Variants in MAP3K13 observed in about 807,000 individuals in gnomAD.
MAP3K13 encodes the protein leucine zipper-bearing kinase.
In MAP3K13, 52 loss-of-function variants were observed where a neutral mutation model predicts 104.0. The observed-to-expected ratio is 0.50, with a 90% CI of 0.40 to 0.63. The LOEUF is 0.63. Ranked by LOEUF, MAP3K13 falls within the 20% of genes least tolerant of loss-of-function variation. The probability of loss-of-function intolerance (pLI) is 0.00; values close to 1 mark genes in which losing one functional copy is unlikely to be tolerated. For missense variants in MAP3K13, 914 were observed against 1,218.5 expected (o/e 0.75, Z 3.72); for synonymous variants, 394 against 442.2 (o/e 0.89, Z 1.37).
At position 185,443,643 on chromosome 3, in the gene MAP3K13, T is replaced by A; in HGVS notation, c.851+7T>A. The A allele has an allele frequency of 6.2e-7, 1 of 1,608,240 alleles. No homozygotes were observed. The highest frequency in any genetic ancestry group is 8.5e-7 in the Non-Finnish European group (1 of 1,175,452). On this transcript the variant is annotated splice_region_variant and intron_variant, in intron 4 of 13. Transcript: ENST00000265026. ...GTGATCTCAAATCACCTAAGTGAGT[T>A]CTGGGGCTAATGTTTCAGCTATTTT...
chr3:185,344,367 C>G (rs1722836672), intron 2 of MAP3K13, among the ~76,000 whole-genome samples: 1 of 152,170 alleles, frequency 6.6e-6, no homozygotes. Context: ...TAAGAAGAGA[C>G]TTGATGATCT....
intron 2 of MAP3K13, among the ~76,000 whole-genome samples, chr3:185,348,813 A>AG (rs905906344): frequency 6.6e-6 from 1 of 152,158 alleles, no homozygotes; most frequent in African/African-American, 2.4e-5. Context: ...GCTACTCAGG[A>AG]GGCTGAGGCA....
chr3:185,453,109 A>AT (rs888015635), intron 7 of MAP3K13, among the ~76,000 whole-genome samples: 19 of 152,108 alleles, frequency 1.2e-4, no homozygotes, highest in African/African-American at 4.6e-4. Context: ...TGAGAGATGA[A>AT]TTTTTTATAA....
In MAP3K13 at chr3:185,482,394, G is replaced by T; in HGVS notation, c.2839G>T (p.Asp947Tyr). The T allele has an allele frequency of 6.2e-7, 1 of 1,614,164 alleles. No individual in the cohort carries two copies. The highest frequency in any genetic ancestry group is 1.3e-5 in the African/African-American group (1 of 75,052). Residue 947 changes from aspartate to tyrosine, a missense_variant, in exon 14 of 14, where the codon GAT (aspartate) becomes TAT (tyrosine). Around this residue, in one of 3 missense-constraint regions of MAP3K13, gnomAD observed 583 missense variants for 737.4 expected, o/e 0.79. Coordinates refer to ENST00000265026, the MANE Select transcript of MAP3K13 (RefSeq NM_004721.5). This position sits in a 1 kb window ranked among gnomAD's most constrained non-coding sequence, Gnocchi z 4.5. ...QFEESDCDSS[D>Y]GECSDATVRT... The stretch of plus-strand genomic sequence containing the variant: ...TGAAGAATCGGACTGTGACTCTTCA[G>T]ATGGGGAGTGTTCTGATGCCACAGT...
intron 1 of MAP3K13, among the ~76,000 whole-genome samples, chr3:185,402,893 T>TC (rs1163918825): frequency 2.0e-5 from 3 of 152,024 alleles, no homozygotes; most frequent in African/African-American, 4.8e-5. Flanking sequence ...GCTGTTCAAT[T>TC]CCCCCCTGGC....
Position 185,366,252 on chromosome 3 carries a change from G to C in MAP3K13, c.-86+2884G>C, listed in dbSNP as rs571975978. Reference sequence around the variant, plus strand: ...ACTTAGCATAATGTTTTCAAAGTTTGTCCATGTTGTAGCCTATATCAGTAC... The same window carrying C: ...ACTTAGCATAATGTTTTCAAAGTTTCTCCATGTTGTAGCCTATATCAGTAC... On this transcript the variant is annotated intron_variant, in intron 1 of 13. Transcript: ENST00000265026. Among the ~76,000 whole-genome samples, 15 of 151,986 alleles carry C rather than the reference G, an allele frequency of 9.9e-5. No individual in the cohort carries two copies. In the East Asian group the frequency reaches 2.5e-3, roughly 26 times the overall value.
At chr3:185,308,363 C>G (rs1721378114) in intron 2 of MAP3K13, among the ~76,000 whole-genome samples, 1 of 152,132 alleles carries the variant, frequency 6.6e-6, no homozygotes, top group African/African-American at 2.4e-5. Context: ...GCCTAGGTCT[C>G]TTTTGTTCTC....
At chr3:185,386,315 T>C (rs1200548080) in intron 1 of MAP3K13, among the ~76,000 whole-genome samples, 1 of 152,000 alleles carries the variant, frequency 6.6e-6, no homozygotes, top group Non-Finnish European at 1.5e-5. Flanking sequence ...ATCAAAAAAA[T>C]CTCAACATCA....
chr3:185,350,030 C>T (rs917357407), intron 2 of MAP3K13, among the ~76,000 whole-genome samples: 4 of 152,106 alleles, frequency 2.6e-5, no homozygotes, highest in African/African-American at 9.7e-5. Context: ...TTCCAGGCCA[C>T]AGAAAAATAG....
intron 13 of MAP3K13, among the ~76,000 whole-genome samples, chr3:185,481,944 C>A (rs991335208): frequency 1.5e-4 from 23 of 152,272 alleles, no homozygotes; most frequent in African/African-American, 5.3e-4. Context: ...ATTATCCGGG[C>A]ATGGTGGCAC....
intron 1 of MAP3K13, chr3:185,417,877 G>A: frequency 6.2e-7 from 1 of 1,604,922 alleles, no homozygotes; most frequent in Non-Finnish European, 8.5e-7. Flanking sequence ...TGCTCAAAGG[G>A]CTCTTTGGAT....
chr3:185,476,032 T>G (rs1316874419), intron 11 of MAP3K13, among the ~76,000 whole-genome samples: 2 of 152,160 alleles, frequency 1.3e-5, no homozygotes, highest in Non-Finnish European at 1.5e-5. Flanking sequence ...ATGCTTTTTA[T>G]CCACAGAGCT....
chr3:185,309,199 A>G (rs9830680), intron 2 of MAP3K13, among the ~76,000 whole-genome samples: 121,107 of 152,052 alleles, frequency 0.8, 48,498 homozygotes, highest in Non-Finnish European at 0.84. Flanking sequence ...ACCTACAATA[A>G]CTTCCACCAC....
chr3:185,378,001 T>TG (rs749076674), intron 1 of MAP3K13, among the ~76,000 whole-genome samples: 1,831 of 150,688 alleles, frequency 0.012, 16 homozygotes, highest in Middle Eastern at 0.024. Flanking sequence ...AGCAAGCTCC[T>TG]GGGGTGGGGG....
intron 1 of MAP3K13, among the ~76,000 whole-genome samples, chr3:185,388,186 A>G (rs573038309): frequency 6.6e-6 from 1 of 152,260 alleles, no homozygotes; most frequent in South Asian, 2.1e-4. Context: ...CTTATACAAG[A>G]AAGCTACAAA....
chr3:185,291,511 A>G, intron 2 of MAP3K13: 2 of 1,070,370 alleles, frequency 1.9e-6, no homozygotes, highest in Non-Finnish European at 2.6e-6. Context: ...CATGGTATCT[A>G]GTAATCTGAT....
Position 185,454,847 on chromosome 3 carries a change from AGATATATACAT to A in MAP3K13, c.1278+3461_1278+3471del, listed in dbSNP as rs1716288359. On this transcript the variant is annotated intron_variant, in intron 7 of 13. Transcript: ENST00000265026. ...GAGATATATACATGATATATATATG[AGATATATACAT>A]GATATATATATGAGATATATATATG... Among the ~76,000 whole-genome samples, 8 of 75,198 alleles carry A rather than the reference AGATATATACAT, an allele frequency of 1.1e-4. 1 individual carries two copies. Among genetic ancestry groups the A allele is most frequent in the South Asian group, 8.9e-4 (2 of 2,238 alleles). 49.3% of individuals were successfully genotyped at this position (75,198 alleles called of 152,430 possible).
At position 185,472,960 on chromosome 3, in the gene MAP3K13, G is replaced by A. The variant is rs1322692180; in HGVS notation, c.1644-15G>A. The A allele has an allele frequency of 2.0e-5, 32 of 1,608,894 alleles. No individual in the cohort carries two copies. The highest frequency in any genetic ancestry group is 2.5e-5 in the Non-Finnish European group (30 of 1,176,900). On this transcript the variant is annotated splice_polypyrimidine_tract_variant and intron_variant, in intron 10 of 13. Coordinates refer to ENST00000265026, the MANE Select transcript of MAP3K13 (RefSeq NM_004721.5). ...TTTTCATGTGTTTCAGATTAAACCT[G>A]TTCTTTCCTCCCAGGCCAGACTTGT...
chr3:185,455,197 TA>T (rs1338130434), intron 7 of MAP3K13, among the ~76,000 whole-genome samples: 3 of 69,042 alleles, frequency 4.3e-5, no homozygotes, highest in African/African-American at 1.3e-4. Context: ...ATGAGATATA[TA>T]TATGATATAT....
Sources: gnomAD v4.1 joint callset for allele counts (sites outside exome capture counted in the v4.1 genomes callset) on GRCh38, gnomAD v4.1.1 for gene constraint, gnomAD v4.1.1 regional missense constraint, Gnocchi (gnomAD v3.1) non-coding constraint, MANE v1.5 for transcripts, NCBI Gene and HGNC (gene_info 2026-07-23, HGNC 2026-07-21) for gene names.